The following ZNF221 variants were observed in gnomAD, a reference collection of about 807,000 sequenced individuals.
The protein encoded by ZNF221 is zinc finger protein 221.
Under a neutral mutation model 12.6 loss-of-function variants are expected in ZNF221, and 10 were observed. The observed-to-expected ratio is 0.79, with a 90% CI of 0.49 to 1.34. ZNF221 has a LOEUF of 1.34. Ranked by LOEUF, ZNF221 falls within the 40% of genes most tolerant of loss-of-function variation. The pLI, the probability that ZNF221 is intolerant of heterozygous loss-of-function variation, is 0.00. For missense variants in ZNF221, 661 were observed against 721.4 expected (o/e 0.92, Z 0.96); for synonymous variants, 232 against 244.0 (o/e 0.95, Z 0.46).
At chr19:43,977,667 C>T in the ZNF221 span, among the ~76,000 whole-genome samples, 1 of 152,154 alleles carries the variant, frequency 6.6e-6, no homozygotes, top group Non-Finnish European at 1.5e-5. Flanking sequence ...CCAGCTCGGA[C>T]AAAGAGCTGA....
chr19:43,978,734 C>A, the ZNF221 span: 1 of 152,052 alleles, frequency 6.6e-6, no homozygotes, highest in African/African-American at 2.4e-5. Context: ...GACTGGGTCT[C>A]TTTTATGTAT....
At position 43,966,698 on chromosome 19, in the gene ZNF221, G is replaced by T. The variant is rs766780189; in HGVS notation, c.1196G>T (p.Cys399Phe). The T allele has an allele frequency of 5.6e-6, 9 of 1,614,252 alleles. No homozygotes were observed. In the East Asian group the frequency reaches 1.6e-4, roughly 28 times the overall value. The change falls in exon 5 of 5, where the codon TGT (cysteine) becomes TTT (phenylalanine). Residue 399 changes from cysteine to phenylalanine, a missense_variant. Physicochemically the swap from Cys to Phe is radical, Grantham distance 205 (BLOSUM62 -2). Coordinates refer to ENST00000587682, the MANE Select transcript of ZNF221 (RefSeq NM_001297588.2). ...GAGAAACCATATAATTGTAAAGAATGTGGGAAGACCTTCAGATGGTCCTCA... is the reference window on the plus strand; with the variant it reads ...GAGAAACCATATAATTGTAAAGAATTTGGGAAGACCTTCAGATGGTCCTCA... ...TGEKPYNCKE[C>F]GKTFRWSSCL...
downstream of ZNF221, among the ~76,000 whole-genome samples, chr19:43,972,564 G>C (rs1007749369): frequency 3.6e-4 from 54 of 151,688 alleles, no homozygotes; most frequent in African/African-American, 1.3e-3. Context: ...ATGATAAAGG[G>C]GATATCACCA....
the ZNF221 span, among the ~76,000 whole-genome samples, chr19:43,978,934 T>TG: frequency 0.38 from 40,630 of 105,690 alleles, 6,211 homozygotes; most frequent in East Asian, 0.57. Context: ...TGTGTGTGTG[T>TG]TTTTTTTTTT....
In ZNF221 at chr19:43,967,348, G is replaced by A. The variant is rs770952574; in HGVS notation, c.1846G>A (p.Ala616Thr). ...FTSVSLCGRK[A>T]I ...ATCAGTAAGTCTATGTGGGAGAAAA[G>A]CCATATAAATGTGAGAAGTGTGGGA... Residue 616 changes from alanine to threonine, a missense_variant, in exon 5 of 5, where the codon GCC becomes ACC. Coordinates refer to ENST00000587682, the MANE Select transcript of ZNF221 (RefSeq NM_001297588.2). The A allele has an allele frequency of 6.2e-7, 1 of 1,608,968 alleles. No individual in the cohort carries two copies. Among genetic ancestry groups the A allele is most frequent in the South Asian group, 1.1e-5 (1 of 90,604 alleles).
At position 43,967,447 on chromosome 19, in the gene ZNF221, A is replaced by C; in HGVS notation, c.*91A>C. On this transcript the variant is annotated 3_prime_UTR_variant, in exon 5 of 5. Transcript: ENST00000587682. ...CAGAGAAAAACCATTCAAATATGAG[A>C]ACTGTGGGAAGAGCTTTGTACATAG... The C allele has an allele frequency of 1.0e-6, 1 of 978,534 alleles. No homozygotes were observed. Among genetic ancestry groups the C allele is most frequent in the Non-Finnish European group, 1.5e-6 (1 of 648,686 alleles). The allele number at this position is 978,534 out of a possible 1,614,324, so 60.6% of individuals were successfully genotyped here.
the ZNF221 span, among the ~76,000 whole-genome samples, chr19:43,981,501 G>A: frequency 6.6e-6 from 1 of 152,124 alleles, no homozygotes; most frequent in Admixed American, 6.6e-5. Context: ...AGCATCATTT[G>A]TAATAATAAA....
chr19:43,959,708 G>C (rs1974813254), intron 1 of ZNF221, among the ~76,000 whole-genome samples: 1 of 152,200 alleles, frequency 6.6e-6, no homozygotes, highest in Admixed American at 6.6e-5. Context: ...CTCACCAGAA[G>C]CTGAGCACAT....
At chr19:43,980,476 T>G in the ZNF221 span, among the ~76,000 whole-genome samples, 1 of 152,218 alleles carries the variant, frequency 6.6e-6, no homozygotes. Flanking sequence ...AGGAGAAATA[T>G]TCAAACATCT....
chr19:43,972,418 A>G (rs749138468), downstream of ZNF221, among the ~76,000 whole-genome samples: 1 of 152,188 alleles, frequency 6.6e-6, no homozygotes, highest in East Asian at 1.9e-4. Context: ...AGATCAGAGC[A>G]GAACTCAAGG....
chr19:43,960,659 G>C (rs548010823), intron 1 of ZNF221, among the ~76,000 whole-genome samples: 1 of 152,356 alleles, frequency 6.6e-6, no homozygotes, highest in Admixed American at 6.5e-5. Flanking sequence ...ATTGTGCCCT[G>C]AATCCGGCCA....
intron 1 of ZNF221, among the ~76,000 whole-genome samples, chr19:43,952,251 C>G (rs1662870659): frequency 6.6e-6 from 1 of 152,094 alleles, no homozygotes; most frequent in Non-Finnish European, 1.5e-5. Context: ...ACCGTTTTGT[C>G]AAGAGTGGTG....
intron 2 of ZNF221, among the ~76,000 whole-genome samples, chr19:43,964,669 A>G (rs571582332): frequency 1.3e-5 from 2 of 152,342 alleles, no homozygotes; most frequent in South Asian, 4.1e-4. Context: ...AGGAGGCAGC[A>G]TGTAGAGTCC....
chr19:43,962,603 G>A (rs1047239968), intron 1 of ZNF221, 122 bp from the exon 2 acceptor site: 23 of 938,376 alleles, frequency 2.5e-5, no homozygotes, highest in Middle Eastern at 4.2e-4. Flanking sequence ...TGCAGTTTGG[G>A]GTTATGAGTA....
At chr19:43,970,919 C>T (rs777712080), downstream of ZNF221, among the ~76,000 whole-genome samples, 34 of 152,132 alleles carry the variant, frequency 2.2e-4, no homozygotes, top group Non-Finnish European at 2.6e-4. Context: ...CAGAGAACCC[C>T]GGTAAGATAC....
downstream of ZNF221, among the ~76,000 whole-genome samples, chr19:43,968,624 G>A (rs1975029012): frequency 6.6e-6 from 1 of 152,206 alleles, no homozygotes; most frequent in Non-Finnish European, 1.5e-5. Context: ...ATGGTTCATG[G>A]TACTCATACA....
Position 43,966,384 on chromosome 19 carries a change from T to G in ZNF221, c.882T>G (p.Asp294Glu). The stretch of plus-strand genomic sequence containing the variant: ...AATGTGGGAAAGCCTTCATTCATGA[T>G]TCACAGCTTCAAGAACATCAGAGAA... Reference protein sequence around the residue: ...CEECGKAFIHDSQLQEHQRIH... With the variant: ...CEECGKAFIHESQLQEHQRIH... The change falls in exon 5 of 5, where the codon GAT (aspartate) becomes GAG (glutamate). Residue 294 changes from aspartate to glutamate, a missense_variant. Asp to Glu is a conservative substitution (Grantham distance 45). Coordinates refer to ENST00000587682, the MANE Select transcript of ZNF221 (RefSeq NM_001297588.2). 6.2e-7 allele frequency: 1 copy of G among 1,613,828 alleles called. No individual in the cohort carries two copies. Among genetic ancestry groups the G allele is most frequent in the Non-Finnish European group, 8.5e-7 (1 of 1,179,920 alleles).
intron 1 of ZNF221, among the ~76,000 whole-genome samples, chr19:43,953,628 G>A (rs1298761619): frequency 6.6e-6 from 1 of 152,052 alleles, no homozygotes; most frequent in Non-Finnish European, 1.5e-5. Flanking sequence ...AACTACCTAG[G>A]GGTTGCCAGC....
chr19:43,975,130 C>G, the ZNF221 span, among the ~76,000 whole-genome samples: 6 of 152,090 alleles, frequency 3.9e-5, no homozygotes, highest in African/African-American at 1.4e-4. Context: ...TTGTGGAAGA[C>G]AGTGTGGCAA....
Sources: gnomAD v4.1 joint callset for allele counts (sites outside exome capture counted in the v4.1 genomes callset) on GRCh38, gnomAD v4.1.1 for gene constraint, MANE v1.5 for transcripts, NCBI Gene and HGNC (gene_info 2026-07-23, HGNC 2026-07-21) for gene names.